SNX30: variants seen among roughly 807,000 people sequenced by gnomAD.
The protein encoded by SNX30 is sorting nexin family member 30.
In SNX30, 24 loss-of-function variants were observed where a neutral mutation model predicts 46.4. The ratio of observed to expected loss-of-function variants is 0.52; its 90% CI spans 0.37 to 0.73. The LOEUF (loss-of-function observed/expected upper bound fraction) is 0.73, where lower values mean the gene tolerates loss of function less well. SNX30 is among the 30% of genes least tolerant of loss of function. SNX30 has a pLI of 0.00. For synonymous variants in SNX30, 189 were observed against 211.5 expected, an observed-to-expected ratio of 0.89 and a Z score of 0.92; for missense variants, 533 against 555.7, an observed-to-expected ratio of 0.96 and a Z score of 0.41.
intron 1 of SNX30, among the ~76,000 whole-genome samples, chr9:112,792,884 T>TC: frequency 6.6e-6 from 1 of 151,376 alleles, no homozygotes. Context: ...TCTTTAGGCT[T>TC]TTTTTTTTCT....
intron 3 of SNX30, among the ~76,000 whole-genome samples, chr9:112,822,232 T>C (rs1357482063): frequency 6.6e-6 from 1 of 152,218 alleles, no homozygotes; most frequent in Non-Finnish European, 1.5e-5. Flanking sequence ...CCATATGTTC[T>C]TAAAATGCCT....
chr9:112,803,931 C>T (rs1330179583), intron 1 of SNX30, among the ~76,000 whole-genome samples: 1 of 124,902 alleles, frequency 8.0e-6, no homozygotes, highest in East Asian at 2.3e-4. Context: ...TTCTTTGACT[C>T]GGAAAGGGAA....
intron 1 of SNX30, among the ~76,000 whole-genome samples, chr9:112,775,774 G>A (rs1839736925): frequency 6.9e-6 from 1 of 144,304 alleles, no homozygotes; most frequent in Non-Finnish European, 1.5e-5. Context: ...AAATGCCTAT[G>A]TGTAGTCTTT....
At chr9:112,821,354 T>C (rs1175372107) in intron 3 of SNX30, among the ~76,000 whole-genome samples, 2 of 152,204 alleles carry the variant, frequency 1.3e-5, no homozygotes, top group Admixed American at 1.3e-4. Context: ...ATTTAAAAAT[T>C]GGGGTGCCTT....
chr9:112,865,902 G>C (rs1024783217), intron 8 of SNX30, among the ~76,000 whole-genome samples: 1 of 151,500 alleles, frequency 6.6e-6, no homozygotes, highest in Non-Finnish European at 1.5e-5. Context: ...CTGTTCAGCG[G>C]CCTTCCTACT....
At chr9:112,786,280 G>A (rs1036560252) in intron 1 of SNX30, among the ~76,000 whole-genome samples, 2 of 151,942 alleles carry the variant, frequency 1.3e-5, no homozygotes, top group Admixed American at 1.3e-4. Context: ...ATCACGCTCT[G>A]CTAATCTTTT....
chr9:112,811,340 GA>G (rs1840316252), intron 2 of SNX30, among the ~76,000 whole-genome samples: 1 of 152,196 alleles, frequency 6.6e-6, no homozygotes, highest in Admixed American at 6.5e-5. Flanking sequence ...TTGTGATAAA[GA>G]CCACGTCTCT....
At position 112,835,581 on chromosome 9, in the gene SNX30, T is replaced by C. The variant is rs182619659; in HGVS notation, c.619-633T>C. On this transcript the variant is annotated intron_variant, in intron 4 of 8. Coordinates refer to ENST00000374232, the MANE Select transcript of SNX30 (RefSeq NM_001012994.2). ...ATCTGCCCACCTCAGCCTCCCACAG[T>C]ACTGAGATTACAGGCATGAGCCACC... 1.0e-3 allele frequency among the ~76,000 whole-genome samples: 154 copies of C among 152,116 alleles called. 1 individual carries two copies. Among genetic ancestry groups the C allele is most frequent in the Non-Finnish European group, 2.8e-4 (19 of 67,984 alleles).
chr9:112,812,326 G>T (rs1016562609), intron 2 of SNX30, among the ~76,000 whole-genome samples: 1 of 152,052 alleles, frequency 6.6e-6, no homozygotes, highest in African/African-American at 2.4e-5. Flanking sequence ...TGCGATCTCG[G>T]CTCACTGCAA....
At chr9:112,806,111 C>T (rs998001579) in intron 2 of SNX30, among the ~76,000 whole-genome samples, 13 of 152,084 alleles carry the variant, frequency 8.5e-5, no homozygotes, top group African/African-American at 3.1e-4. Context: ...GGGGGGCTGT[C>T]TTATAGAGTG....
chr9:112,876,205 G>T (rs1018655443), downstream of SNX30, among the ~76,000 whole-genome samples: 6 of 152,152 alleles, frequency 3.9e-5, no homozygotes, highest in Non-Finnish European at 8.8e-5. Flanking sequence ...ATAAAGGGAG[G>T]TGAAAATAGC....
chr9:112,750,904 G>C lies in SNX30; in HGVS notation c.-98G>C, dbSNP rs1227687623. The stretch of plus-strand genomic sequence containing the variant: ...CGGCCGGTGCAAGGCCTCGGGTTAA[G>C]CGGCGGCCGAGCGGGGCTCGGCCCG... On this transcript the variant is annotated 5_prime_UTR_variant, in exon 1 of 9. Coordinates refer to ENST00000374232, the MANE Select transcript of SNX30 (RefSeq NM_001012994.2). 2 of 1,095,528 alleles carry C rather than the reference G, an allele frequency of 1.8e-6. No homozygotes were observed. Among genetic ancestry groups the C allele is most frequent in the Non-Finnish European group, 2.2e-6 (2 of 897,128 alleles). 67.9% of individuals were successfully genotyped at this position (1,095,528 alleles called of 1,614,324 possible).
At chr9:112,756,801 C>T (rs1839358137) in intron 1 of SNX30, among the ~76,000 whole-genome samples, 1 of 152,142 alleles carries the variant, frequency 6.6e-6, no homozygotes, top group Non-Finnish European at 1.5e-5. Context: ...CTCCCACGGC[C>T]GCACCCTGCG....
At chr9:112,879,751 G>A, downstream of SNX30, 6 of 1,611,310 alleles carry the variant, frequency 3.7e-6, no homozygotes, top group Non-Finnish European at 5.1e-6. Context: ...AGTTCCTGCA[G>A]GTAAGCATCT....
intron 1 of SNX30, among the ~76,000 whole-genome samples, chr9:112,769,179 CTGTT>C (rs1299525339): frequency 2.6e-5 from 4 of 152,190 alleles, no homozygotes; most frequent in African/African-American, 9.7e-5. Flanking sequence ...AAGTTCTTTT[CTGTT>C]TGTGTCTGTC....
chr9:112,807,052 C>CTTTT (rs10554051), intron 2 of SNX30, among the ~76,000 whole-genome samples: 56 of 63,038 alleles, frequency 8.9e-4, no homozygotes, highest in Non-Finnish European at 1.3e-3. Flanking sequence ...TCTTTTCTAT[C>CTTTT]TTTTTTTTTT....
intron 6 of SNX30, among the ~76,000 whole-genome samples, chr9:112,840,842 C>T (rs1840845555): frequency 6.6e-6 from 1 of 150,934 alleles, no homozygotes; most frequent in South Asian, 2.1e-4. Context: ...TGCAGTGGCA[C>T]GATCTCAGCT....
chr9:112,854,584 T>TA (rs1841090268), intron 7 of SNX30, among the ~76,000 whole-genome samples: 1 of 152,238 alleles, frequency 6.6e-6, no homozygotes, highest in African/African-American at 2.4e-5. Flanking sequence ...GCTGCTTCTT[T>TA]AGCAATTGTG....
At chr9:112,868,708 A>G (rs1841399573) in intron 8 of SNX30, 76 bp from the exon 9 acceptor site, 1 of 1,461,328 alleles carries the variant, frequency 6.8e-7, no homozygotes, top group African/African-American at 1.4e-5. Context: ...ACGAAAGGGT[A>G]GGTCAGAGCA....
Sources: allele counts gnomAD v4.1 joint callset (sites outside exome capture counted in the v4.1 genomes callset), GRCh38; gene constraint gnomAD v4.1.1; transcripts MANE v1.5; gene names NCBI Gene and HGNC (gene_info 2026-07-23, HGNC 2026-07-21).